Variants in CCDC171 observed in about 807,000 individuals in gnomAD.
CCDC171 encodes coiled-coil domain-containing protein 171.
CCDC171 carries 177 observed loss-of-function variants against 168.2 expected under a neutral mutation model. The observed-to-expected ratio is 1.05, with a 90% CI of 0.93 to 1.19. CCDC171 has a LOEUF of 1.19. Ranked by LOEUF, CCDC171 falls within the 50% of genes most tolerant of loss-of-function variation. The pLI is 0.00. For synonymous variants in CCDC171, 687 were observed against 540.8 expected (o/e 1.27, Z -3.75); for missense variants, 1,991 against 1,539.0 (o/e 1.29, Z -4.91).
At chr9:16,041,994 TC>T (rs1301076514), upstream of CCDC171, among the ~76,000 whole-genome samples, 8 of 152,194 alleles carry the variant, frequency 5.3e-5, no homozygotes, top group Non-Finnish European at 1.2e-4. Flanking sequence ...GCTTTCTGAG[TC>T]TCATTCAATC....
chr9:15,693,217 C>T (rs2050952660), intron 10 of CCDC171, among the ~76,000 whole-genome samples: 2 of 152,020 alleles, frequency 1.3e-5, no homozygotes, highest in East Asian at 1.9e-4. Context: ...TACACACAGA[C>T]ACACATGCAC....
intron 3 of CCDC171, among the ~76,000 whole-genome samples, chr9:16,017,973 G>C (rs758374957): frequency 6.6e-6 from 1 of 152,182 alleles, no homozygotes; most frequent in Non-Finnish European, 1.5e-5. Flanking sequence ...TGGTGGAAAT[G>C]ACAGAAGCAG....
intron 20 of CCDC171, among the ~76,000 whole-genome samples, chr9:15,781,891 G>A (rs1312567843): frequency 1.3e-5 from 2 of 152,034 alleles, no homozygotes; most frequent in Non-Finnish European, 2.9e-5. Context: ...ATTTACAGAT[G>A]GGGCTTTTGG....
intron 3 of CCDC171, among the ~76,000 whole-genome samples, chr9:15,993,069 G>C (rs951884256): frequency 6.6e-6 from 1 of 152,070 alleles, no homozygotes; most frequent in Non-Finnish European, 1.5e-5. Context: ...ACCAATGACT[G>C]TCTTCACAGA....
At chr9:15,980,091 C>T (rs1831746205) in intron 3 of CCDC171, among the ~76,000 whole-genome samples, 1 of 151,944 alleles carries the variant, frequency 6.6e-6, no homozygotes, top group Non-Finnish European at 1.5e-5. Context: ...GGAATTCTAT[C>T]ATAGAGAGTA....
chr9:16,084,534 G>A, the CCDC171 span, among the ~76,000 whole-genome samples: 1 of 152,152 alleles, frequency 6.6e-6, no homozygotes, highest in African/African-American at 2.4e-5. Context: ...AATTGGCCCA[G>A]CATTGCCAAT....
chr9:15,974,966 ACAACGTTGCC>A (rs1831574825), downstream of CCDC171, among the ~76,000 whole-genome samples: 1 of 152,096 alleles, frequency 6.6e-6, no homozygotes, highest in African/African-American at 2.4e-5. Flanking sequence ...ATGGGCTCTC[ACAACGTTGCC>A]CAGGCCGGTC....
At chr9:16,108,581 C>G in the CCDC171 span, among the ~76,000 whole-genome samples, 51 of 152,238 alleles carry the variant, frequency 3.4e-4, 1 homozygote, top group Admixed American at 2.4e-3. Flanking sequence ...AATAGGATTT[C>G]AGGGACTGAA....
At chr9:15,890,983 T>C (rs1179025056) in intron 24 of CCDC171, among the ~76,000 whole-genome samples, 1 of 152,156 alleles carries the variant, frequency 6.6e-6, no homozygotes, top group Non-Finnish European at 1.5e-5. Context: ...AAATATTTTC[T>C]CTCTTTCTCT....
chr9:15,647,774 A>G (rs542054737), intron 7 of CCDC171, among the ~76,000 whole-genome samples: 1 of 152,330 alleles, frequency 6.6e-6, no homozygotes, highest in South Asian at 2.1e-4. Context: ...CCAACCAAAA[A>G]AAGTCCAGGA....
intron 23 of CCDC171, among the ~76,000 whole-genome samples, chr9:15,867,524 G>A (rs1287486485): frequency 2.0e-5 from 3 of 151,976 alleles, no homozygotes; most frequent in African/African-American, 7.2e-5. Context: ...AGCTGTGCAG[G>A]ACACACAGGT....
chr9:15,624,026 T>A (rs2044813734), intron 7 of CCDC171, among the ~76,000 whole-genome samples: 1 of 152,222 alleles, frequency 6.6e-6, no homozygotes, highest in Non-Finnish European at 1.5e-5. Flanking sequence ...AAAGAAGTTT[T>A]GTCCTAAACA....
At chr9:15,591,798 C>T (rs1400707994) in intron 5 of CCDC171, among the ~76,000 whole-genome samples, 2 of 152,050 alleles carry the variant, frequency 1.3e-5, no homozygotes, top group African/African-American at 4.8e-5. Flanking sequence ...GCCAACAAAG[C>T]ACTTATATGG....
At chr9:16,100,143 A>C in the CCDC171 span, among the ~76,000 whole-genome samples, 1 of 152,208 alleles carries the variant, frequency 6.6e-6, no homozygotes, top group Non-Finnish European at 1.5e-5. Context: ...CTTCGCTCCC[A>C]CAGCACAGAA....
chr9:16,008,902 C>A (rs141004072), intron 3 of CCDC171, among the ~76,000 whole-genome samples: 1 of 152,154 alleles, frequency 6.6e-6, no homozygotes, highest in African/African-American at 2.4e-5. Context: ...CTCTGGCCAT[C>A]ATGTGAATTC....
intron 25 of CCDC171, among the ~76,000 whole-genome samples, chr9:15,922,928 A>G (rs1166879721): frequency 2.0e-5 from 3 of 151,334 alleles, no homozygotes; most frequent in Admixed American, 6.6e-5. Context: ...TTTTCTTGCT[A>G]TTGTTAGAGG....
intron 21 of CCDC171, among the ~76,000 whole-genome samples, chr9:15,824,436 C>A (rs143652566): frequency 2.1e-4 from 32 of 151,868 alleles, no homozygotes; most frequent in African/African-American, 7.7e-4. Flanking sequence ...TGGTTTTTGT[C>A]ATTTGCGTGT....
chr9:15,751,704 A>G (rs2055754917), intron 18 of CCDC171, among the ~76,000 whole-genome samples: 1 of 152,214 alleles, frequency 6.6e-6, no homozygotes, highest in African/African-American at 2.4e-5. Flanking sequence ...CTGGCTAGTC[A>G]TATGTAGAAA....
At chr9:15,832,582 A>G (rs2060278572) in intron 21 of CCDC171, among the ~76,000 whole-genome samples, 1 of 152,210 alleles carries the variant, frequency 6.6e-6, no homozygotes, top group Non-Finnish European at 1.5e-5. Flanking sequence ...CAATAGAAAT[A>G]TGGTATAGAA....
Sources: allele counts gnomAD v4.1 joint callset (sites outside exome capture counted in the v4.1 genomes callset), GRCh38; gene constraint gnomAD v4.1.1; transcripts MANE v1.5; gene names NCBI Gene and HGNC (gene_info 2026-07-23, HGNC 2026-07-21).